Variants in CLEC16A observed in about 807,000 individuals in gnomAD.
The protein encoded by CLEC16A is C-type lectin domain containing 16A.
In CLEC16A, 51 loss-of-function variants were observed where a neutral mutation model predicts 109.5. The ratio of observed to expected loss-of-function variants is 0.47; its 90% CI spans 0.37 to 0.59. The LOEUF (loss-of-function observed/expected upper bound fraction) is 0.59, where lower values mean the gene tolerates loss of function less well. Ranked by LOEUF, CLEC16A falls within the 20% of genes least tolerant of loss-of-function variation. CLEC16A has a pLI of 0.00. For missense variants in CLEC16A, 1,339 were observed against 1,394.0 expected (o/e 0.96, Z 0.63); for synonymous variants, 673 against 564.2 (o/e 1.19, Z -2.73).
At chr16:10,947,695 G>A (rs1194194951) in intron 1 of CLEC16A, among the ~76,000 whole-genome samples, 1 of 152,122 alleles carries the variant, frequency 6.6e-6, no homozygotes, top group Admixed American at 6.5e-5. Flanking sequence ...CCCAGGATAT[G>A]GGACTTTCAG....
chr16:11,125,912 C>T lies in CLEC16A; in HGVS notation c.2474-67C>T, dbSNP rs537950598. On this transcript the variant is annotated intron_variant, in intron 21 of 23. Transcript: ENST00000409790. ...CCACAGCCACTACGATGTCCCCCCC[C>T]CCAAATTCTCACCACCCCCCTCTAT... is the stretch of plus-strand genomic sequence containing the variant. 7.4e-4 allele frequency: 166 copies of T among 225,730 alleles called. 6 individuals carry two copies. The highest frequency in any genetic ancestry group is 1.0e-3 in the Non-Finnish European group (111 of 107,898). The allele number at this position is 225,730 out of a possible 1,614,324, so 14.0% of individuals were successfully genotyped here. A position where few individuals can be genotyped will look rare whatever the true frequency, so the allele number is the denominator to read the frequency against.
intron 19 of CLEC16A, among the ~76,000 whole-genome samples, chr16:11,112,913 A>T (rs543274260): frequency 6.6e-6 from 1 of 151,896 alleles, no homozygotes; most frequent in African/African-American, 2.4e-5. Context: ...ACAGCCTTTC[A>T]TGGTCCTTAG....
chr16:11,108,548 T>G (rs930024385), intron 19 of CLEC16A, among the ~76,000 whole-genome samples: 2 of 152,238 alleles, frequency 1.3e-5, no homozygotes, highest in African/African-American at 4.8e-5. Context: ...GTGAGGCAGA[T>G]GAGTGCTCTC....
chr16:10,972,862 T>G, intron 6 of CLEC16A, 76 bp from the exon 7 acceptor site: 1 of 1,471,708 alleles, frequency 6.8e-7, no homozygotes, highest in Non-Finnish European at 9.1e-7. Context: ...TTTTGCTTTG[T>G]TTTTGTTTTT....
At chr16:11,055,570 T>C (rs1412401404) in intron 18 of CLEC16A, among the ~76,000 whole-genome samples, 1 of 134,476 alleles carries the variant, frequency 7.4e-6, no homozygotes, top group Admixed American at 7.5e-5. Context: ...CCGTTTTCCC[T>C]CTTGCTTTTT....
At chr16:11,012,718 A>G (rs753181719) in intron 11 of CLEC16A, among the ~76,000 whole-genome samples, 3 of 152,138 alleles carry the variant, frequency 2.0e-5, no homozygotes, top group Non-Finnish European at 2.9e-5. Context: ...TAAATCAAGG[A>G]ATAAATGTTT....
intron 21 of CLEC16A, among the ~76,000 whole-genome samples, chr16:11,124,682 C>G (rs543658990): frequency 8.1e-4 from 123 of 152,284 alleles, no homozygotes; most frequent in African/African-American, 2.8e-3. Flanking sequence ...CAGTCTTTCT[C>G]AAGATACCCA....
chr16:10,993,734 T>G (rs1417025773), intron 10 of CLEC16A, among the ~76,000 whole-genome samples: 1 of 151,950 alleles, frequency 6.6e-6, no homozygotes, highest in Non-Finnish European at 1.5e-5. Flanking sequence ...GCTTGGTTTG[T>G]CATTGTTTAG....
Position 10,944,581 on chromosome 16 carries a change from C to G in CLEC16A, c.-137C>G, listed in dbSNP as rs1453771613. On this transcript the variant is annotated 5_prime_UTR_variant, in exon 1 of 24. Transcript: ENST00000409790. ...TGAATGTCAGTGCTGGGCTGTGGGC[C>G]GGGGAGGAAGGCGGCTCGCGGTTCC... The G allele has an allele frequency of 1.5e-5, 12 of 823,392 alleles. No homozygotes were observed. The highest frequency in any genetic ancestry group is 3.4e-5 in the African/African-American group (2 of 58,040). The allele number at this position is 823,392 out of a possible 1,614,324, so 51.0% of individuals were successfully genotyped here.
intron 19 of CLEC16A, among the ~76,000 whole-genome samples, chr16:11,092,258 C>T (rs577414464): frequency 4.6e-5 from 7 of 152,178 alleles, no homozygotes; most frequent in East Asian, 1.9e-4. Flanking sequence ...GTGGGAGGAT[C>T]GCTTGAGCCC....
At chr16:11,139,133 G>A (rs946605886) in intron 22 of CLEC16A, among the ~76,000 whole-genome samples, 1 of 152,170 alleles carries the variant, frequency 6.6e-6, no homozygotes, top group South Asian at 2.1e-4. Flanking sequence ...TGTGTGTCTT[G>A]TGGGTCTTGT....
At position 11,049,998 on chromosome 16, in the gene CLEC16A, A is replaced by G. The variant is rs1352840044; in HGVS notation, c.1867-1515A>G. 2.0e-5 allele frequency among the ~76,000 whole-genome samples: 3 copies of G among 152,254 alleles called. No individual in the cohort carries two copies. The East Asian group carries it at 5.8e-4, about 29-fold the overall frequency. On this transcript the variant is annotated intron_variant, in intron 17 of 23. Coordinates refer to ENST00000409790, the MANE Select transcript of CLEC16A (RefSeq NM_015226.3). ...CTCTGGCCCATTCACCGGGTGTCTCAGTATGTTTTCTGCAGCTATAACAGA... is the reference window on the plus strand; with the variant it reads ...CTCTGGCCCATTCACCGGGTGTCTCGGTATGTTTTCTGCAGCTATAACAGA...
chr16:11,012,966 G>A (rs1281035095), intron 11 of CLEC16A, among the ~76,000 whole-genome samples: 8 of 152,150 alleles, frequency 5.3e-5, no homozygotes, highest in Non-Finnish European at 1.2e-4. Flanking sequence ...GACGCCAGGT[G>A]GGAGCCAACT....
At chr16:11,115,237 A>T (rs764374031) in intron 19 of CLEC16A, among the ~76,000 whole-genome samples, 1 of 152,198 alleles carries the variant, frequency 6.6e-6, no homozygotes, top group African/African-American at 2.4e-5. Context: ...TGTCCTGTGT[A>T]GAGTGAGGAA....
chr16:11,156,203 A>T (rs149155565), intron 22 of CLEC16A, among the ~76,000 whole-genome samples: 2 of 152,054 alleles, frequency 1.3e-5, no homozygotes, highest in East Asian at 3.9e-4. Flanking sequence ...TCTACTAAAA[A>T]TACAAAAACA....
intron 22 of CLEC16A, among the ~76,000 whole-genome samples, chr16:11,142,921 C>T (rs1229267732): frequency 1.3e-5 from 2 of 152,236 alleles, no homozygotes; most frequent in Non-Finnish European, 2.9e-5. Context: ...AGTGATTCTC[C>T]TGCCTCAGCC....
intron 13 of CLEC16A, among the ~76,000 whole-genome samples, chr16:11,032,857 GA>G (rs1263320438): frequency 6.6e-6 from 1 of 152,222 alleles, no homozygotes; most frequent in African/African-American, 2.4e-5. Context: ...TGAAGGCCCT[GA>G]AGAGGAATTG....
chr16:11,108,615 T>A (rs568607571), intron 19 of CLEC16A, among the ~76,000 whole-genome samples: 16 of 152,206 alleles, frequency 1.1e-4, no homozygotes, highest in Admixed American at 5.9e-4. Context: ...TTCAGGAGAG[T>A]GTGAAGTTCA....
intron 13 of CLEC16A, among the ~76,000 whole-genome samples, chr16:11,031,822 G>A (rs777189023): frequency 8.5e-5 from 13 of 152,324 alleles, no homozygotes; most frequent in African/African-American, 1.7e-4. Context: ...TACTACATCC[G>A]CCTGAGCAAT....
Sources: gnomAD v4.1 joint callset for allele counts (sites outside exome capture counted in the v4.1 genomes callset) on GRCh38, gnomAD v4.1.1 for gene constraint, MANE v1.5 for transcripts, NCBI Gene and HGNC (gene_info 2026-07-23, HGNC 2026-07-21) for gene names.